The following CRIM1 variants were observed in gnomAD, a reference collection of about 807,000 sequenced individuals.
CRIM1 encodes cysteine-rich motor neuron 1 protein.
CRIM1 carries 32 observed loss-of-function variants against 116.4 expected under a neutral mutation model. That is an observed-to-expected ratio of 0.27 (90% CI 0.21 to 0.37). The LOEUF (loss-of-function observed/expected upper bound fraction) is 0.37, where lower values mean the gene tolerates loss of function less well. Ranked by LOEUF, CRIM1 falls within the 10% of genes least tolerant of loss-of-function variation. The pLI, the probability that CRIM1 is intolerant of heterozygous loss-of-function variation, is 1.00. For synonymous variants in CRIM1, 590 were observed against 509.2 expected (o/e 1.16, Z -2.13); for missense variants, 1,331 against 1,354.8 (o/e 0.98, Z 0.28).
rs1486846310 is a variant in CRIM1 at position 36,547,015 on chromosome 2, T to C, written c.2778T>C (p.Asp926=). The change falls in exon 16 of 17, where the codon GAT becomes GAC. Residue 926 remains aspartate (D), a synonymous_variant. Coordinates refer to ENST00000280527, the MANE Select transcript of CRIM1 (RefSeq NM_016441.3). ...GTCACCTCCAGGTAGATTACAGAGA[T>C]AACAGGCTGCACCCAAGTGAAGATT... ...DMGHLQVDYR[D]NRLHPSEDSS... is the part of the protein sequence containing the mutation. 2.5e-6 allele frequency: 4 copies of C among 1,612,470 alleles called. No individual in the cohort carries two copies. The highest frequency in any genetic ancestry group is 3.4e-6 in the Non-Finnish European group (4 of 1,178,922).
At chr2:36,528,638 T>C (rs1287014504) in intron 13 of CRIM1, among the ~76,000 whole-genome samples, 1 of 152,172 alleles carries the variant, frequency 6.6e-6, no homozygotes, top group Non-Finnish European at 1.5e-5. Flanking sequence ...TCTTCAGTGC[T>C]GTCAGTTACT....
chr2:36,476,015 A>G (rs1678947816), intron 5 of CRIM1, among the ~76,000 whole-genome samples: 2 of 151,896 alleles, frequency 1.3e-5, no homozygotes, highest in South Asian at 4.2e-4. Flanking sequence ...CTACATTTAT[A>G]ATATACTGAT....
chr2:36,471,760 C>CACACACACACACACA (rs1553316612), intron 5 of CRIM1, among the ~76,000 whole-genome samples: 1 of 134,424 alleles, frequency 7.4e-6, no homozygotes, highest in African/African-American at 2.8e-5. Context: ...CACACACACA[C>CACACACACACACACA]CATCTTACAA....
At chr2:36,382,085 G>A (rs1025513287) in intron 1 of CRIM1, among the ~76,000 whole-genome samples, 2 of 152,106 alleles carry the variant, frequency 1.3e-5, no homozygotes, top group African/African-American at 4.8e-5. Flanking sequence ...GCTCCTCTCC[G>A]GGATTAGGGA....
intron 2 of CRIM1, among the ~76,000 whole-genome samples, chr2:36,418,731 G>A (rs1350109295): frequency 1.3e-5 from 2 of 151,922 alleles, no homozygotes; most frequent in African/African-American, 2.4e-5. Flanking sequence ...ATAGATCACC[G>A]CTCTGTTGGC....
intron 2 of CRIM1, among the ~76,000 whole-genome samples, chr2:36,411,894 C>T (rs186854598): frequency 3.3e-5 from 5 of 152,250 alleles, no homozygotes; most frequent in Admixed American, 1.3e-4. Context: ...AGCTATGACT[C>T]CTGAAATAAA....
chr2:36,476,974 C>T lies in CRIM1; in HGVS notation c.1077C>T (p.Cys359=), dbSNP rs145972275. 2.5e-3 allele frequency: 4,017 copies of T among 1,613,824 alleles called. 38 individuals are homozygous for T. Among genetic ancestry groups the T allele is most frequent in the South Asian group, 0.016 (1,427 of 91,064 alleles). Residue 359 remains cysteine (C), a synonymous_variant, in exon 6 of 17, where the codon TGC becomes TGT. Coordinates refer to ENST00000280527, the MANE Select transcript of CRIM1 (RefSeq NM_016441.3). ...TGGACAACTGTCGGTTCTGTCGATG[C>T]CAAGGGGGCGTTGCCATCTGCTTCA... The part of the protein sequence containing the change: ...FRMDNCRFCR[C]QGGVAICFTA...
chr2:36,537,483 T>C lies in CRIM1; in HGVS notation c.2560T>C (p.Cys854Arg). 6.2e-7 allele frequency: 1 copy of C among 1,614,218 alleles called. No individual in the cohort carries two copies. The highest frequency in any genetic ancestry group is 8.5e-7 in the Non-Finnish European group (1 of 1,180,022). ...QGQTLCSTVS[C>R]PPLPCVEPIN... Reference sequence around the variant, plus strand: ...CCAGACCCTCTGCTCGACCGTCAGCTGCCCCCCTCTGCCCTGTGTTGAGCC... The same window carrying C: ...CCAGACCCTCTGCTCGACCGTCAGCCGCCCCCCTCTGCCCTGTGTTGAGCC... Residue 854 changes from cysteine to arginine, a missense_variant, in exon 14 of 17, where the codon TGC (cysteine) becomes CGC (arginine). Cys to Arg is a radical substitution (Grantham distance 180). This residue lies in a region of CRIM1 where 283 missense variants were observed against 242.8 expected (regional missense o/e 1.17). Transcript: ENST00000280527.
intron 7 of CRIM1, among the ~76,000 whole-genome samples, chr2:36,486,720 G>A (rs1349171121): frequency 6.6e-6 from 1 of 152,120 alleles, no homozygotes; most frequent in Non-Finnish European, 1.5e-5. Context: ...GACAATAATT[G>A]CATCTAATAG....
intron 1 of CRIM1, among the ~76,000 whole-genome samples, chr2:36,363,348 A>T (rs553665755): frequency 6.6e-6 from 1 of 152,128 alleles, no homozygotes; most frequent in Non-Finnish European, 1.5e-5. Context: ...TAAAAGAATG[A>T]CTGGCACATG....
intron 1 of CRIM1, among the ~76,000 whole-genome samples, chr2:36,383,880 A>G (rs1348672028): frequency 6.6e-6 from 1 of 152,194 alleles, no homozygotes; most frequent in Non-Finnish European, 1.5e-5. Flanking sequence ...TACTCAGGGA[A>G]TCAGTTGATT....
chr2:36,372,344 G>C (rs1471340505), intron 1 of CRIM1, among the ~76,000 whole-genome samples: 1 of 152,084 alleles, frequency 6.6e-6, no homozygotes, highest in Admixed American at 6.5e-5. Flanking sequence ...GCCCCAACTT[G>C]TTATTTAGTA....
intron 15 of CRIM1, among the ~76,000 whole-genome samples, 176 bp from the exon 16 acceptor site, chr2:36,546,808 G>A (rs981409184): frequency 5.6e-5 from 7 of 125,208 alleles, no homozygotes; most frequent in South Asian, 2.5e-4. Context: ...ATCCCTAAGC[G>A]CTCTGCTCTC....
At chr2:36,374,593 C>G (rs913286180) in intron 1 of CRIM1, among the ~76,000 whole-genome samples, 9 of 152,170 alleles carry the variant, frequency 5.9e-5, no homozygotes, top group Admixed American at 6.5e-5. Flanking sequence ...TATGATTTGT[C>G]AAGCAATTGG....
In CRIM1 at chr2:36,467,589, A is replaced by G. The variant is rs1484088280; in HGVS notation, c.991+2934A>G. ...GCTTATACACAGAGGATCTGAGGAAACTTTACAGTGAGAACAGATTCTATA... is the reference window on the plus strand; with the variant it reads ...GCTTATACACAGAGGATCTGAGGAAGCTTTACAGTGAGAACAGATTCTATA... On this transcript the variant is annotated intron_variant, in intron 5 of 16. Transcript: ENST00000280527. 3.3e-5 allele frequency among the ~76,000 whole-genome samples: 5 copies of G among 152,202 alleles called. No individual in the cohort carries two copies. In the South Asian group the frequency reaches 8.3e-4, roughly 25 times the overall value.
At chr2:36,544,344 C>A in intron 14 of CRIM1, 32 bp from the exon 15 acceptor site, 1 of 1,321,458 alleles carries the variant, frequency 7.6e-7, no homozygotes. Flanking sequence ...GCAGCTTCAT[C>A]ATCTCTTAGG....
chr2:36,503,419 A>C (rs943388159), intron 8 of CRIM1, among the ~76,000 whole-genome samples: 3 of 141,368 alleles, frequency 2.1e-5, no homozygotes, highest in African/African-American at 8.1e-5. Context: ...AAATGAATGA[A>C]TGCAAAGCTA....
chr2:36,427,258 A>G (rs531174974), intron 2 of CRIM1, among the ~76,000 whole-genome samples: 2 of 152,216 alleles, frequency 1.3e-5, no homozygotes, highest in South Asian at 4.1e-4. Flanking sequence ...GAAATAGAGA[A>G]GGCTGGCTTC....
rs1029497844 is a variant in CRIM1, at chr2:36,550,109, A to G, written c.*1408A>G. On this transcript the variant is annotated 3_prime_UTR_variant, in exon 17 of 17. Transcript: ENST00000280527. ...TTGAGCAGTCAGCATTGCACCTGCT[A>G]TGGAGAAGGGTATTCCTTTATTAAA... 2.0e-5 allele frequency: 3 copies of G among 152,518 alleles called. No homozygotes were observed. Among genetic ancestry groups the G allele is most frequent in the East Asian group, 1.9e-4 (1 of 5,168 alleles). 9.4% of individuals were successfully genotyped at this position (152,518 alleles called of 1,614,324 possible).
Sources: gnomAD v4.1 joint callset for allele counts (sites outside exome capture counted in the v4.1 genomes callset) on GRCh38, gnomAD v4.1.1 for gene constraint, gnomAD v4.1.1 regional missense constraint, MANE v1.5 for transcripts, NCBI Gene and HGNC (gene_info 2026-07-23, HGNC 2026-07-21) for gene names.